The following ELL2 variants were observed in gnomAD, a reference collection of about 807,000 sequenced individuals.
The protein encoded by ELL2 is RNA polymerase II elongation factor ELL2.
A neutral mutation model predicts 72.8 loss-of-function variants in ELL2; 21 were observed. That is an observed-to-expected ratio of 0.29 (90% CI 0.20 to 0.42). The LOEUF is 0.42. Among genes scored for constraint, ELL2 ranks in the 10% least tolerant of loss-of-function variants. The pLI, the probability that ELL2 is intolerant of heterozygous loss-of-function variation, is 1.00. For missense variants in ELL2, 568 were observed against 772.8 expected, an observed-to-expected ratio of 0.73 and a Z score of 3.14; for synonymous variants, 266 against 283.2, an observed-to-expected ratio of 0.94 and a Z score of 0.61.
At chr5:95,897,204 T>G (rs1340238753) in intron 8 of ELL2, among the ~76,000 whole-genome samples, 12 of 152,268 alleles carry the variant, frequency 7.9e-5, no homozygotes, top group Non-Finnish European at 1.8e-4. Flanking sequence ...TTCTCTCATA[T>G]GGCAAAGATG....
chr5:95,900,021 C>T (rs754573953), intron 7 of ELL2, among the ~76,000 whole-genome samples: 1 of 152,076 alleles, frequency 6.6e-6, no homozygotes, highest in Non-Finnish European at 1.5e-5. Context: ...GACACTGTGT[C>T]AGCAGTACTG....
chr5:95,940,430 A>C (rs1750929452), intron 2 of ELL2, among the ~76,000 whole-genome samples: 1 of 152,186 alleles, frequency 6.6e-6, no homozygotes, highest in Non-Finnish European at 1.5e-5. Context: ...TGGCCTTCTA[A>C]AGACATCACT....
At chr5:95,939,944 C>A (rs530172196) in intron 2 of ELL2, among the ~76,000 whole-genome samples, 83 of 152,272 alleles carry the variant, frequency 5.5e-4, no homozygotes, top group Middle Eastern at 3.4e-3. Context: ...GATTTATAAT[C>A]CTAGTAAACC....
intron 2 of ELL2, among the ~76,000 whole-genome samples, chr5:95,922,974 A>G (rs1750148174): frequency 6.6e-6 from 1 of 152,248 alleles, no homozygotes; most frequent in African/African-American, 2.4e-5. Flanking sequence ...GGCCAGAGAT[A>G]CTGCCAAACA....
chr5:95,931,309 A>G (rs893907962), intron 2 of ELL2, among the ~76,000 whole-genome samples: 5 of 152,144 alleles, frequency 3.3e-5, no homozygotes, highest in Non-Finnish European at 7.4e-5. Context: ...AACCCATCTA[A>G]GGTGTTTGGC....
chr5:95,924,020 G>A (rs765787812), intron 2 of ELL2, among the ~76,000 whole-genome samples: 9 of 152,174 alleles, frequency 5.9e-5, no homozygotes, highest in Non-Finnish European at 1.0e-4. Flanking sequence ...GGTAATATAT[G>A]ACAATTAGGG....
chr5:95,892,910 T>G (rs1434304537), intron 9 of ELL2, among the ~76,000 whole-genome samples: 3 of 152,182 alleles, frequency 2.0e-5, no homozygotes, highest in Non-Finnish European at 4.4e-5. Flanking sequence ...AAAGGTACAC[T>G]GCCAGCCAAG....
At chr5:95,895,545 T>A in intron 9 of ELL2, 83 bp downstream of exon 9, 1 of 1,341,624 alleles carries the variant, frequency 7.5e-7, no homozygotes, top group East Asian at 2.3e-5. Context: ...TTCTTACTTT[T>A]CTGATTTGCA....
intron 2 of ELL2, among the ~76,000 whole-genome samples, chr5:95,922,103 G>T (rs144423345): frequency 6.6e-6 from 1 of 150,460 alleles, no homozygotes; most frequent in Admixed American, 6.6e-5. Context: ...TCTCTCTGTC[G>T]CCCAGGCTGG....
chr5:95,920,162 G>A (rs978867600), intron 2 of ELL2, among the ~76,000 whole-genome samples: 12 of 152,112 alleles, frequency 7.9e-5, no homozygotes, highest in African/African-American at 1.2e-4. Flanking sequence ...AACAGGGTCT[G>A]CAGCCTACAG....
At chr5:95,905,751 T>G (rs1249628075) in intron 5 of ELL2, among the ~76,000 whole-genome samples, 2 of 151,898 alleles carry the variant, frequency 1.3e-5, no homozygotes, top group African/African-American at 2.4e-5. Context: ...TGTAGGGTTT[T>G]TTTTTTTTTT....
At position 95,923,620 on chromosome 5, in the gene ELL2, G is replaced by A. The variant is rs570616380; in HGVS notation, c.196-4075C>T. ...CCCAGGCCAATCAGAGTTCTACATT[G>A]CCTTTTCTTGGTAGTTTCAGAGCAG... On this transcript the variant is annotated intron_variant, in intron 2 of 11. Coordinates refer to ENST00000237853, the MANE Select transcript of ELL2 (RefSeq NM_012081.6). 3.3e-5 allele frequency among the ~76,000 whole-genome samples: 5 copies of A among 152,204 alleles called. No homozygotes were observed. The South Asian group carries it at 8.3e-4, about 25-fold the overall frequency.
chr5:95,941,304 A>C (rs1456426174), intron 2 of ELL2, among the ~76,000 whole-genome samples: 3 of 152,228 alleles, frequency 2.0e-5, no homozygotes, highest in Non-Finnish European at 2.9e-5. Context: ...TAGAGCAGGC[A>C]AAGATAAACT....
At chr5:95,910,528 G>A (rs1186592315) in intron 4 of ELL2, among the ~76,000 whole-genome samples, 2 of 151,986 alleles carry the variant, frequency 1.3e-5, no homozygotes, top group Admixed American at 6.6e-5. Context: ...GGAAGATAAT[G>A]TTTTCTAGGT....
At chr5:95,958,497 T>A (rs941719242) in intron 1 of ELL2, among the ~76,000 whole-genome samples, 5 of 152,172 alleles carry the variant, frequency 3.3e-5, no homozygotes, top group African/African-American at 1.2e-4. Flanking sequence ...AAGGTATCTA[T>A]CTCATTTTTT....
intron 5 of ELL2, among the ~76,000 whole-genome samples, chr5:95,905,749 T>A (rs1447768007): frequency 7.5e-6 from 1 of 133,482 alleles, no homozygotes; most frequent in African/African-American, 2.5e-5. Flanking sequence ...CCTGTAGGGT[T>A]TTTTTTTTTT....
intron 1 of ELL2, among the ~76,000 whole-genome samples, chr5:95,950,502 T>C (rs1296645727): frequency 6.6e-6 from 1 of 152,014 alleles, no homozygotes; most frequent in Non-Finnish European, 1.5e-5. Flanking sequence ...TAAAAGCCAA[T>C]AATATGCTTA....
intron 4 of ELL2, among the ~76,000 whole-genome samples, chr5:95,908,715 G>A (rs1749470824): frequency 6.6e-6 from 1 of 152,090 alleles, no homozygotes; most frequent in Non-Finnish European, 1.5e-5. Flanking sequence ...ACAAACATTA[G>A]CATTCCTTAA....
chr5:95,942,621 T>G (rs1246698741), intron 2 of ELL2, among the ~76,000 whole-genome samples: 1 of 152,148 alleles, frequency 6.6e-6, no homozygotes, highest in East Asian at 1.9e-4. Context: ...ACAGCAAAAT[T>G]TTGTTAATAG....
Sources: gnomAD v4.1 joint callset for allele counts (sites outside exome capture counted in the v4.1 genomes callset) on GRCh38, gnomAD v4.1.1 for gene constraint, MANE v1.5 for transcripts, NCBI Gene and HGNC (gene_info 2026-07-23, HGNC 2026-07-21) for gene names.